CC2D2A: variants seen among roughly 807,000 people sequenced by gnomAD.
The protein encoded by CC2D2A is coiled-coil and C2 domain containing 2A.
In CC2D2A, 155 loss-of-function variants were observed where a neutral mutation model predicts 212.9. That is an observed-to-expected ratio of 0.73 (90% confidence interval 0.64 to 0.83). CC2D2A has a LOEUF of 0.83. Among genes scored for constraint, CC2D2A ranks in the 40% least tolerant of loss-of-function variants. The pLI is 0.00. For missense variants in CC2D2A, 1,856 were observed against 1,956.2 expected, an observed-to-expected ratio of 0.95 and a Z score of 0.97; for synonymous variants, 667 against 686.5, an observed-to-expected ratio of 0.97 and a Z score of 0.44.
chr4:15,578,096 G>A (rs1265574804), intron 29 of CC2D2A, among the ~76,000 whole-genome samples: 1 of 152,156 alleles, frequency 6.6e-6, no homozygotes, highest in Non-Finnish European at 1.5e-5. Flanking sequence ...AGAAATCTGT[G>A]ATACACCTAC....
At chr4:15,509,431 G>A (rs146488504) in intron 6 of CC2D2A, among the ~76,000 whole-genome samples, 1,778 of 152,072 alleles carry the variant, frequency 0.012, 18 homozygotes, top group Non-Finnish European at 0.017. Flanking sequence ...CCGCCACCAC[G>A]CCTGGCTAAA....
intron 4 of CC2D2A, among the ~76,000 whole-genome samples, chr4:15,498,498 G>A (rs977967405): frequency 2.6e-5 from 4 of 151,990 alleles, no homozygotes; most frequent in Non-Finnish European, 5.9e-5. Flanking sequence ...GCCCTTCCTC[G>A]AGCCTGGCAG....
chr4:15,594,845 G>C (rs777626706), intron 33 of CC2D2A, among the ~76,000 whole-genome samples: 10 of 152,174 alleles, frequency 6.6e-5, no homozygotes, highest in Admixed American at 4.6e-4. Context: ...CTGTCATCCA[G>C]GCTGGAGTGC....
rs933548868 is a variant in CC2D2A at position 15,555,721 on chromosome 4, G to C, written c.2625+511G>C. ...GCCACTGCACTCCAGTCTGAATAGA[G>C]TGAGACTCCCATCTCAAAAACAAAC... On this transcript the variant is annotated intron_variant, in intron 20 of 36. Transcript: ENST00000424120. Among the ~76,000 whole-genome samples, 4 of 152,178 alleles carry C rather than the reference G, an allele frequency of 2.6e-5. No individual in the cohort carries two copies. In the East Asian group the frequency reaches 7.7e-4, roughly 29 times the overall value.
chr4:15,550,990 G>A lies in CC2D2A; in HGVS notation c.2338+10G>A. 1 of 1,567,332 alleles carries A rather than the reference G, an allele frequency of 6.4e-7. No individual in the cohort carries two copies. On this transcript the variant is annotated intron_variant, in intron 18 of 36. Coordinates refer to ENST00000424120, the MANE Select transcript of CC2D2A (RefSeq NM_001378615.1). The stretch of plus-strand genomic sequence containing the variant: ...GAGGGAGTTGGAAGTGGTATGGAAA[G>A]CTAATATCTTCAATGGTTCACTGTT...
intron 30 of CC2D2A, among the ~76,000 whole-genome samples, chr4:15,582,354 T>A (rs1720698469): frequency 6.6e-6 from 1 of 151,326 alleles, no homozygotes; most frequent in Non-Finnish European, 1.5e-5. Context: ...GAAGAAATAA[T>A]AAAAATAAGA....
chr4:15,578,927 A>G (rs1720530404), intron 29 of CC2D2A, among the ~76,000 whole-genome samples: 2 of 151,978 alleles, frequency 1.3e-5, no homozygotes, highest in Non-Finnish European at 2.9e-5. Context: ...CAGGTGTGAG[A>G]CACTGTGCCC....
At chr4:15,549,118 G>A (rs1441013729) in intron 17 of CC2D2A, among the ~76,000 whole-genome samples, 1 of 152,098 alleles carries the variant, frequency 6.6e-6, no homozygotes, top group Admixed American at 6.5e-5. Flanking sequence ...GGAGGGGAGT[G>A]GTTGACAGTA....
intron 4 of CC2D2A, chr4:15,482,265 C>T: frequency 1.0e-6 from 1 of 983,982 alleles, no homozygotes; most frequent in Non-Finnish European, 1.2e-6. Flanking sequence ...CAAAATTTAT[C>T]TCATATGGCT....
At chr4:15,578,549 C>A (rs958487646) in intron 29 of CC2D2A, among the ~76,000 whole-genome samples, 1 of 152,192 alleles carries the variant, frequency 6.6e-6, no homozygotes, top group African/African-American at 2.4e-5. Context: ...AGGAATCTTA[C>A]TTTGTGGGAA....
intron 2 of CC2D2A, among the ~76,000 whole-genome samples, chr4:15,478,496 C>T (rs1315608262): frequency 6.6e-6 from 1 of 152,328 alleles, no homozygotes; most frequent in South Asian, 2.1e-4. Context: ...GAAGATCCAA[C>T]ATCATCTCGT....
At chr4:15,541,106 G>A in intron 17 of CC2D2A, 92 bp downstream of exon 17, 1 of 1,001,116 alleles carries the variant, frequency 1.0e-6, no homozygotes, top group Non-Finnish European at 1.4e-6. Context: ...AAGGCCAGGA[G>A]TTCGAGACCA....
chr4:15,542,983 G>A lies in CC2D2A; in HGVS notation c.2181+1969G>A, dbSNP rs569334380. Reference sequence around the variant, plus strand: ...GAAGCACTGAATGGAAAGAGAGGAAGCGGTGCCAAGAAATAAGAGGCAGAA... The same window carrying A: ...GAAGCACTGAATGGAAAGAGAGGAAACGGTGCCAAGAAATAAGAGGCAGAA... On this transcript the variant is annotated intron_variant, in intron 17 of 36. Coordinates refer to ENST00000424120, the MANE Select transcript of CC2D2A (RefSeq NM_001378615.1). Among the ~76,000 whole-genome samples, 9 of 152,312 alleles carry A rather than the reference G, an allele frequency of 5.9e-5. No individual in the cohort carries two copies. In the East Asian group the frequency reaches 1.5e-3, roughly 26 times the overall value.
intron 24 of CC2D2A, among the ~76,000 whole-genome samples, chr4:15,564,863 G>A (rs1435534296): frequency 6.6e-6 from 1 of 151,888 alleles, no homozygotes; most frequent in Non-Finnish European, 1.5e-5. Flanking sequence ...TTTTTGTAGA[G>A]ACAGGCTGTC....
At chr4:15,565,921 T>A (rs887721569) in intron 24 of CC2D2A, among the ~76,000 whole-genome samples, 4 of 152,178 alleles carry the variant, frequency 2.6e-5, no homozygotes, top group African/African-American at 9.7e-5. Context: ...CACAAGTGTT[T>A]GTTTAATAAA....
At chr4:15,569,493 A>T in intron 27 of CC2D2A, 104 bp downstream of exon 27, 1 of 674,224 alleles carries the variant, frequency 1.5e-6, no homozygotes, top group Admixed American at 2.3e-5. Context: ...CCCGATCTAG[A>T]TCCTTTCTTG....
At chr4:15,579,923 C>G in intron 29 of CC2D2A, 45 bp from the exon 30 acceptor site, 1 of 1,489,754 alleles carries the variant, frequency 6.7e-7, no homozygotes, top group Non-Finnish European at 9.3e-7. Flanking sequence ...CGTACTTTCT[C>G]TCTTGTAATC....
intron 6 of CC2D2A, among the ~76,000 whole-genome samples, chr4:15,506,568 A>G (rs1167963884): frequency 6.6e-6 from 1 of 152,118 alleles, no homozygotes; most frequent in African/African-American, 2.4e-5. Context: ...TTTCTCTCTC[A>G]TGAGTTGACT....
intron 4 of CC2D2A, among the ~76,000 whole-genome samples, chr4:15,496,057 T>G (rs1213577481): frequency 6.6e-6 from 1 of 152,204 alleles, no homozygotes; most frequent in Non-Finnish European, 1.5e-5. Flanking sequence ...CTGTTCAAGT[T>G]CTTTGCCCAT....
Sources: allele counts gnomAD v4.1 joint callset (sites outside exome capture counted in the v4.1 genomes callset), GRCh38; gene constraint gnomAD v4.1.1; transcripts MANE v1.5; gene names NCBI Gene and HGNC (gene_info 2026-07-23, HGNC 2026-07-21).